LARS2: variants seen among roughly 807,000 people sequenced by gnomAD.
LARS2 encodes the protein leucine--tRNA ligase, mitochondrial.
LARS2 carries 81 observed loss-of-function variants against 116.6 expected under a neutral mutation model. That is an observed-to-expected ratio of 0.69 (90% CI 0.58 to 0.84). LARS2 has a LOEUF of 0.84. LARS2 is among the 40% of genes least tolerant of loss of function. The pLI is 0.00. For missense variants in LARS2, 968 were observed against 1,114.5 expected, an observed-to-expected ratio of 0.87 and a Z score of 1.87; for synonymous variants, 396 against 407.2, an observed-to-expected ratio of 0.97 and a Z score of 0.33.
At chr3:45,490,580 A>G (rs1433562490) in intron 12 of LARS2, among the ~76,000 whole-genome samples, 4 of 152,226 alleles carry the variant, frequency 2.6e-5, no homozygotes, top group African/African-American at 7.2e-5. Flanking sequence ...GAGTGCAGAA[A>G]GACACTTCAG....
intron 7 of LARS2, among the ~76,000 whole-genome samples, chr3:45,457,001 G>C (rs1424035648): frequency 6.6e-6 from 1 of 152,218 alleles, no homozygotes; most frequent in South Asian, 2.1e-4. Context: ...TTTGATGAAG[G>C]ACTATTTGTG....
At position 45,477,082 on chromosome 3, in the gene LARS2, G is replaced by T. The variant is rs553547590; in HGVS notation, c.1018+455G>T. Reference sequence around the variant, plus strand: ...AATTTTATTGTTTTAAAGAATTCATGTGGTCATCTGAGCAGTGTCCTGCTC... The same window carrying T: ...AATTTTATTGTTTTAAAGAATTCATTTGGTCATCTGAGCAGTGTCCTGCTC... On this transcript the variant is annotated intron_variant, in intron 10 of 21. Coordinates refer to ENST00000645846, the MANE Select transcript of LARS2 (RefSeq NM_015340.4). Among the ~76,000 whole-genome samples, 95 of 152,306 alleles carry T rather than the reference G, an allele frequency of 6.2e-4. 1 individual carries two copies. The South Asian group carries it at 0.019, about 31-fold the overall frequency.
chr3:45,394,399 C>A, intron 2 of LARS2, 34 bp from the exon 3 acceptor site: 1 of 1,255,448 alleles, frequency 8.0e-7, no homozygotes, highest in Non-Finnish European at 1.2e-6. Flanking sequence ...GGGTTTGAGG[C>A]AGCTCATAGT....
intron 15 of LARS2, among the ~76,000 whole-genome samples, chr3:45,502,297 T>C (rs1575297548): frequency 6.6e-6 from 1 of 152,046 alleles, no homozygotes; most frequent in Non-Finnish European, 1.5e-5. Flanking sequence ...CTAATCCTTT[T>C]TCAGCTATAT....
chr3:45,466,880 C>A (rs1328342321), intron 8 of LARS2, among the ~76,000 whole-genome samples: 1 of 152,146 alleles, frequency 6.6e-6, no homozygotes, highest in Non-Finnish European at 1.5e-5. Context: ...CCATGCCCGG[C>A]TAATTTTTGT....
intron 12 of LARS2, 54 bp from the exon 13 acceptor site, chr3:45,491,463 G>A (rs1265368544): frequency 6.4e-7 from 1 of 1,559,202 alleles, no homozygotes; most frequent in Non-Finnish European, 8.8e-7. Context: ...CAGCATCAGG[G>A]TGGTGACTGG....
At chr3:45,488,580 T>C in intron 11 of LARS2, 117 bp from the exon 12 acceptor site, 1 of 668,578 alleles carries the variant, frequency 1.5e-6, no homozygotes, top group Non-Finnish European at 2.7e-6. Context: ...TTAAAACTTC[T>C]ATAACTAAAA....
At chr3:45,408,431 G>T (rs946783326) in intron 4 of LARS2, among the ~76,000 whole-genome samples, 2 of 152,390 alleles carry the variant, frequency 1.3e-5, no homozygotes, top group Admixed American at 1.3e-4. Flanking sequence ...AGTCCTGCTA[G>T]CGTTCTTGTG....
In LARS2 at chr3:45,517,982, T is replaced by C. The variant is rs34459812; in HGVS notation, c.2124T>C (p.Ser708=). 3,435 of 1,614,064 alleles carry C rather than the reference T, an allele frequency of 2.1e-3. 62 individuals carry two copies. In the African/African-American group the frequency reaches 0.04, roughly 19 times the overall value. Residue 708 remains serine (S), a synonymous_variant, in exon 18 of 22, where the codon TCT becomes TCC. Coordinates refer to ENST00000645846, the MANE Select transcript of LARS2 (RefSeq NM_015340.4). The stretch of plus-strand genomic sequence containing the variant: ...CTCGGTTTATTGAGGCCAGGGCTTC[T>C]GGGAAGTCTCCCCAGCCTCAGCTGC... ...LTTRFIEARA[S]GKSPQPQLLS...
intron 7 of LARS2, among the ~76,000 whole-genome samples, chr3:45,449,570 A>G (rs1003052469): frequency 6.6e-6 from 1 of 152,120 alleles, no homozygotes; most frequent in African/African-American, 2.4e-5. Flanking sequence ...CACCTCTGAA[A>G]TGTCCCACCT....
At chr3:45,500,315 T>TA (rs1051521420) in intron 14 of LARS2, 127 bp from the exon 15 acceptor site, 6 of 1,024,166 alleles carry the variant, frequency 5.9e-6, no homozygotes, top group African/African-American at 1.7e-5. Context: ...TCTTATATTT[T>TA]AAAAAAATCA....
chr3:45,501,735 T>C (rs748574023), intron 15 of LARS2, among the ~76,000 whole-genome samples: 1 of 152,240 alleles, frequency 6.6e-6, no homozygotes, highest in Non-Finnish European at 1.5e-5. Context: ...CGTGTTCAAC[T>C]GTCTTGAGAA....
intron 15 of LARS2, among the ~76,000 whole-genome samples, chr3:45,512,261 C>T (rs1458225298): frequency 1.3e-5 from 2 of 152,148 alleles, no homozygotes; most frequent in South Asian, 2.1e-4. Context: ...ACCCTGAACA[C>T]GAAATACTTA....
chr3:45,476,828 T>G (rs1699619437), intron 10 of LARS2, among the ~76,000 whole-genome samples: 1 of 152,200 alleles, frequency 6.6e-6, no homozygotes, highest in South Asian at 2.1e-4. Flanking sequence ...GGTTTCTCCA[T>G]GAGATACTAG....
chr3:45,525,433 A>G (rs1005816468), intron 20 of LARS2, among the ~76,000 whole-genome samples: 1 of 152,184 alleles, frequency 6.6e-6, no homozygotes, highest in African/African-American at 2.4e-5. Flanking sequence ...TTAAGCATCA[A>G]CCAAAAAAGT....
At chr3:45,518,981 G>A (rs191595817) in intron 18 of LARS2, among the ~76,000 whole-genome samples, 211 of 152,264 alleles carry the variant, frequency 1.4e-3, no homozygotes, top group Non-Finnish European at 2.7e-3. Flanking sequence ...ATGCCTGAGC[G>A]ATTGAGTTCA....
At chr3:45,447,091 AG>A in intron 7 of LARS2, 111 bp downstream of exon 7, 1 of 640,858 alleles carries the variant, frequency 1.6e-6, no homozygotes, top group Non-Finnish European at 2.7e-6. Flanking sequence ...CAGTCACAGC[AG>A]ACCCAGAACG....
intron 6 of LARS2, among the ~76,000 whole-genome samples, chr3:45,441,435 T>A (rs1698909261): frequency 6.6e-6 from 1 of 152,186 alleles, no homozygotes; most frequent in Non-Finnish European, 1.5e-5. Flanking sequence ...CTCTAAGATG[T>A]GTTTCATTGC....
chr3:45,442,190 A>T (rs1459201511), intron 6 of LARS2, among the ~76,000 whole-genome samples: 1 of 152,136 alleles, frequency 6.6e-6, no homozygotes, highest in African/African-American at 2.4e-5. Context: ...TTTTTATTTG[A>T]CTTCTGTGGT....
Sources: allele counts gnomAD v4.1 joint callset (sites outside exome capture counted in the v4.1 genomes callset), GRCh38; gene constraint gnomAD v4.1.1; transcripts MANE v1.5; gene names NCBI Gene and HGNC (gene_info 2026-07-23, HGNC 2026-07-21).